HPS1: variants seen among roughly 807,000 people sequenced by gnomAD.
The protein encoded by HPS1 is HPS1 biogenesis of lysosomal organelles complex 3 subunit 1.
HPS1 carries 59 observed loss-of-function variants against 90.6 expected under a neutral mutation model. That is an observed-to-expected ratio of 0.65 (90% CI 0.53 to 0.81). The LOEUF (loss-of-function observed/expected upper bound fraction) is 0.81, where lower values mean the gene tolerates loss of function less well. Ranked by LOEUF, HPS1 falls within the 30% of genes least tolerant of loss-of-function variation. HPS1 has a pLI of 0.00. For synonymous variants in HPS1, 388 were observed against 384.4 expected, an observed-to-expected ratio of 1.01 and a Z score of -0.11; for missense variants, 849 against 896.7, an observed-to-expected ratio of 0.95 and a Z score of 0.68.
intron 5 of HPS1, among the ~76,000 whole-genome samples, chr10:98,434,449 C>T (rs1846997579): frequency 6.7e-6 from 1 of 149,966 alleles, no homozygotes; most frequent in Non-Finnish European, 1.5e-5. Flanking sequence ...TACTCAGGGT[C>T]GCAGCCATCT....
rs1329195207 is a variant in HPS1 at position 98,435,126 on chromosome 10, G to A, written c.398+146C>T. ...GAGGGTCAGACCAGATGGTCTCCAAGGTTCACTTGAGCTGTTTCTCTGACC... is the reference window on the plus strand; with the variant it reads ...GAGGGTCAGACCAGATGGTCTCCAAAGTTCACTTGAGCTGTTTCTCTGACC... On this transcript the variant is annotated intron_variant, in intron 5 of 19. Transcript: ENST00000361490. This position sits in a 1 kb window ranked among gnomAD's most constrained non-coding sequence, Gnocchi z 4.3. 5.7e-6 allele frequency: 5 copies of A among 873,318 alleles called. No individual in the cohort carries two copies. In the East Asian group the frequency reaches 7.7e-5, roughly 13 times the overall value. The allele number at this position is 873,318 out of a possible 1,614,324, so 54.1% of individuals were successfully genotyped here.
Position 98,431,295 on chromosome 10 carries a change from G to A in HPS1, c.508-4C>T. 6.2e-7 allele frequency: 1 copy of A among 1,613,410 alleles called. No individual in the cohort carries two copies. The highest frequency in any genetic ancestry group is 8.5e-7 in the Non-Finnish European group (1 of 1,179,950). ...GGTGAATCAGTCGCTCCAGGGCCTA[G>A]CCAGGGCAGGAAGGGAGAGGAAGCC... On this transcript the variant is annotated splice_region_variant and splice_polypyrimidine_tract_variant and intron_variant, in intron 6 of 19. Coordinates refer to ENST00000361490, the MANE Select transcript of HPS1 (RefSeq NM_000195.5).
chr10:98,423,448 G>A, intron 16 of HPS1, 155 bp downstream of exon 16: 1 of 776,554 alleles, frequency 1.3e-6, no homozygotes, highest in Non-Finnish European at 2.3e-6. Context: ...GGGCCACTAT[G>A]TCCCATTATT....
rs201449952 is a variant in HPS1 at position 98,435,650 on chromosome 10, C to T, written c.240G>A (p.Leu80=). The stretch of plus-strand genomic sequence containing the variant: ...ATAGACTCACCAGGTGAAGGACATA[C>T]AGGAAGTTGCCATTTTCCGTGGAGA... ...TCFSTENGNF[L]YVLHLFGECL... Residue 80 remains leucine, a synonymous_variant, in exon 4 of 20, where the codon CTG becomes CTA. Coordinates refer to ENST00000361490, the MANE Select transcript of HPS1 (RefSeq NM_000195.5). This position sits in a 1 kb window ranked among gnomAD's most constrained non-coding sequence, Gnocchi z 4.3. 1.2e-5 allele frequency: 19 copies of T among 1,614,170 alleles called. No individual in the cohort carries two copies. In the East Asian group the frequency reaches 3.8e-4, roughly 32 times the overall value.
At chr10:98,444,919 G>T (rs547617752) in intron 2 of HPS1, among the ~76,000 whole-genome samples, 6 of 152,306 alleles carry the variant, frequency 3.9e-5, no homozygotes, top group African/African-American at 1.4e-4. Flanking sequence ...GTATGGGTTA[G>T]GGAGCAGTGG....
At chr10:98,425,501 C>G in intron 13 of HPS1, 40 bp downstream of exon 13, 2 of 1,576,166 alleles carry the variant, frequency 1.3e-6, no homozygotes, top group Non-Finnish European at 1.7e-6. Flanking sequence ...GCCAGCCCTG[C>G]CTCTTCCCCA....
In HPS1 at chr10:98,431,190, G is replaced by A. The variant is rs771691792; in HGVS notation, c.609C>T (p.Gly203=). The part of the protein sequence containing the change: ...QAVNTSPERG[G]EEALHAFLLV... ...GCAGGAAGGCATGCAGGGCCTCCTCGCCTCCCCGCTCGGGGCTGGTGTTGA... is the reference window on the plus strand; with the variant it reads ...GCAGGAAGGCATGCAGGGCCTCCTCACCTCCCCGCTCGGGGCTGGTGTTGA... Residue 203 remains glycine (G), a synonymous_variant, in exon 7 of 20, where the codon GGC becomes GGT. Transcript: ENST00000361490. 42 of 1,613,962 alleles carry A rather than the reference G, an allele frequency of 2.6e-5. No homozygotes were observed. The highest frequency in any genetic ancestry group is 4.5e-5 in the East Asian group (2 of 44,890).
In HPS1 at chr10:98,420,123, C is replaced by T. The variant is rs764282816; in HGVS notation, c.1779G>A (p.Leu593=). ...WSLIQLARRY[L]QKGYTTLLFQ... ...ACAGCAGCGTGGTGTAGCCCTTCTG[C>T]AGGTATCTGCGCGCCAGCTGGATCA... is the stretch of plus-strand genomic sequence containing the variant. Residue 593 remains leucine, a synonymous_variant, in exon 18 of 20, where the codon CTG becomes CTA. Coordinates refer to ENST00000361490, the MANE Select transcript of HPS1 (RefSeq NM_000195.5). 1.2e-6 allele frequency: 2 copies of T among 1,614,016 alleles called. No individual in the cohort carries two copies. The highest frequency in any genetic ancestry group is 4.5e-5 in the East Asian group (2 of 44,876).
chr10:98,429,752 C>T (rs1402341313), intron 9 of HPS1, 39 bp downstream of exon 9: 1 of 1,613,182 alleles, frequency 6.2e-7, no homozygotes, highest in Non-Finnish European at 8.5e-7. Flanking sequence ...GAGGCCGATC[C>T]CCTCCTGCCC....
chr10:98,437,258 T>A (rs1445688502), intron 3 of HPS1, among the ~76,000 whole-genome samples: 1 of 152,182 alleles, frequency 6.6e-6, no homozygotes, highest in East Asian at 1.9e-4. Context: ...AATATTTGGT[T>A]AATGAATACC....
intron 11 of HPS1, among the ~76,000 whole-genome samples, chr10:98,426,474 T>C (rs1467688345): frequency 6.6e-6 from 1 of 152,196 alleles, no homozygotes; most frequent in Admixed American, 6.5e-5. Flanking sequence ...CAAGAAAGCC[T>C]TTAGTGCAAA....
intron 2 of HPS1, among the ~76,000 whole-genome samples, chr10:98,443,985 C>T (rs919500262): frequency 1.3e-4 from 20 of 151,822 alleles, no homozygotes; most frequent in African/African-American, 2.2e-4. Flanking sequence ...TGCAGTGAGC[C>T]GAGATTACAC....
chr10:98,436,451 T>C (rs1262240991), intron 3 of HPS1, among the ~76,000 whole-genome samples: 1 of 152,248 alleles, frequency 6.6e-6, no homozygotes, highest in Non-Finnish European at 1.5e-5. Flanking sequence ...TTAAAGTTAC[T>C]TCTGGATAGA....
intron 19 of HPS1, 21 bp downstream of exon 19, chr10:98,418,154 T>A (rs1244990324): frequency 6.5e-7 from 1 of 1,545,288 alleles, no homozygotes; most frequent in Non-Finnish European, 8.9e-7. Flanking sequence ...CTGTCCCCAG[T>A]GGCTCCCAAC....
chr10:98,424,441 C>T, intron 13 of HPS1, 67 bp from the exon 14 acceptor site: 2 of 1,382,906 alleles, frequency 1.4e-6, no homozygotes, highest in South Asian at 1.2e-5. Flanking sequence ...GGCCAAAGTC[C>T]TTCTCAGATC....
Position 98,418,194 on chromosome 10 carries a change from G to A in HPS1, c.1921C>T (p.Leu641=), listed in dbSNP as rs1844362260. The A allele has an allele frequency of 1.2e-6, 2 of 1,607,910 alleles. No individual in the cohort carries two copies. Among genetic ancestry groups the A allele is most frequent in the South Asian group, 1.1e-5 (1 of 90,458 alleles). ...LSDDSVPIGM[L]GGDYYRKLLR... ...CGTCACCTGTAGTAGTCTCCTCCCA[G>A]CATGCCGATAGGCACTGAGTCGTCG... The change falls in exon 19 of 20, where the codon CTG becomes TTG. Residue 641 remains leucine (L), a synonymous_variant. Coordinates refer to ENST00000361490, the MANE Select transcript of HPS1 (RefSeq NM_000195.5).
chr10:98,429,313 T>C, intron 10 of HPS1: 2 of 1,408,700 alleles, frequency 1.4e-6, no homozygotes, highest in Non-Finnish European at 1.8e-6. Context: ...TGAGAATGCA[T>C]GTACAGAAGT....
intron 18 of HPS1, among the ~76,000 whole-genome samples, 165 bp from the exon 19 acceptor site, chr10:98,418,422 C>T (rs753851825): frequency 6.6e-6 from 1 of 152,186 alleles, no homozygotes; most frequent in Non-Finnish European, 1.5e-5. Flanking sequence ...ACAACAGTCA[C>T]CTTATGAACA....
rs749070627 is a variant in HPS1, at chr10:98,419,100, C to A, written c.1858-843G>T. Reference sequence around the variant, plus strand: ...CGTACAACGGGGTCAGGAATCCCTGCCCCAGCCACTTTACAGGGCTGTGAG... The same window carrying A: ...CGTACAACGGGGTCAGGAATCCCTGACCCAGCCACTTTACAGGGCTGTGAG... On this transcript the variant is annotated intron_variant, in intron 18 of 19. Transcript: ENST00000361490. 1.0e-3 allele frequency among the ~76,000 whole-genome samples: 157 copies of A among 152,232 alleles called. 1 individual carries two copies. Among genetic ancestry groups the A allele is most frequent in the Middle Eastern group, 6.8e-3 (2 of 294 alleles).
Sources: allele counts gnomAD v4.1 joint callset (sites outside exome capture counted in the v4.1 genomes callset), GRCh38; gene constraint gnomAD v4.1.1; non-coding constraint Gnocchi (gnomAD v3.1); transcripts MANE v1.5; gene names NCBI Gene and HGNC (gene_info 2026-07-23, HGNC 2026-07-21).